Variants in RARB observed in about 807,000 individuals in gnomAD.
RARB encodes the protein retinoic acid receptor beta.
RARB carries 17 observed loss-of-function variants against 51.9 expected under a neutral mutation model. The observed-to-expected ratio is 0.33, with a 90% CI of 0.22 to 0.49. The LOEUF (loss-of-function observed/expected upper bound fraction) is 0.49, where lower values mean the gene tolerates loss of function less well. RARB is among the 20% of genes least tolerant of loss of function. RARB has a pLI of 0.99. For synonymous variants in RARB, 215 were observed against 195.4 expected (o/e 1.10, Z -0.84); for missense variants, 369 against 550.8 (o/e 0.67, Z 3.30).
At chr3:24,878,037 G>T (rs539561049) in intron 2 of RARB, among the ~76,000 whole-genome samples, 103 of 152,220 alleles carry the variant, frequency 6.8e-4, no homozygotes, top group African/African-American at 2.1e-3. Context: ...ACACGTGCAA[G>T]GTTCCAAAAT....
At chr3:25,584,566 C>T (rs1183006034) in intron 5 of RARB, among the ~76,000 whole-genome samples, 2 of 152,016 alleles carry the variant, frequency 1.3e-5, no homozygotes, top group African/African-American at 4.8e-5. Flanking sequence ...AGTTCAAAGG[C>T]CCTGGGGCAG....
At position 25,290,248 on chromosome 3, in the gene RARB, T is replaced by C. The variant is rs763578344; in HGVS notation, c.178+115673T>C. On this transcript the variant is annotated intron_variant, in intron 5 of 11. Coordinates refer to the RARB transcript ENST00000383772. ...ATGGTCTTTAAAGAAGCAATCTAGC[T>C]AAAATGAAATCATTAATCCAATAGG... Among the ~76,000 whole-genome samples the C allele has an allele frequency of 5.3e-4, 81 of 152,246 alleles. 1 individual carries two copies. The Middle Eastern group carries it at 0.01, about 19-fold the overall frequency.
At chr3:24,902,718 G>C (rs767102841) in intron 2 of RARB, among the ~76,000 whole-genome samples, 14 of 152,004 alleles carry the variant, frequency 9.2e-5, no homozygotes, top group Non-Finnish European at 1.8e-4. Context: ...AATGCTCACT[G>C]ACATGTTTTG....
intron 5 of RARB, among the ~76,000 whole-genome samples, chr3:25,271,207 T>A (rs1703249957): frequency 6.6e-6 from 1 of 152,212 alleles, no homozygotes; most frequent in African/African-American, 2.4e-5. Context: ...TTAGTATAAA[T>A]CAAGAAATAC....
chr3:25,514,594 T>C (rs1290840418), intron 3 of RARB, among the ~76,000 whole-genome samples: 2 of 152,210 alleles, frequency 1.3e-5, no homozygotes. Context: ...AACTCCTCCA[T>C]TTTTCTTTGC....
intron 5 of RARB, among the ~76,000 whole-genome samples, chr3:25,255,840 G>C (rs768831410): frequency 1.3e-5 from 2 of 152,062 alleles, no homozygotes; most frequent in African/African-American, 2.4e-5. Context: ...AGTCAAGTGT[G>C]TATGCTTGTG....
Position 25,488,870 on chromosome 3 carries a change from G to T in RARB, c.307-12312G>T, listed in dbSNP as rs374765980. On this transcript the variant is annotated intron_variant, in intron 2 of 7. Transcript: ENST00000330688. ...TTAGGCTGCCTTTAATTGAAAACTG[G>T]AGAACAATCTAACTAATTGGCAGGT... Among the ~76,000 whole-genome samples the T allele has an allele frequency of 2.2e-4, 34 of 152,292 alleles. 1 individual carries two copies. Among genetic ancestry groups the T allele is most frequent in the Middle Eastern group, 3.4e-3 (1 of 294 alleles).
At chr3:25,174,371 C>A (rs771603731) in exon 5 of RARB, 1 of 1,350,070 alleles carries the variant, frequency 7.4e-7, no homozygotes, top group South Asian at 1.1e-5. Context: ...TGCTCCAGAG[C>A]ACCTTTCTTT....
At chr3:24,971,277 AG>A (rs1696392486) in intron 2 of RARB, among the ~76,000 whole-genome samples, 1 of 152,022 alleles carries the variant, frequency 6.6e-6, no homozygotes, top group South Asian at 2.1e-4. Flanking sequence ...AGCTGAGGCT[AG>A]GAGGTTAGTC....
intron 3 of RARB, among the ~76,000 whole-genome samples, chr3:25,081,040 G>T (rs1443267922): frequency 3.3e-5 from 5 of 151,698 alleles, no homozygotes; most frequent in African/African-American, 1.2e-4. Context: ...GCATACTGTG[G>T]GTTTAATTTG....
chr3:25,536,820 G>T (rs544087762), intron 3 of RARB, among the ~76,000 whole-genome samples: 1 of 152,308 alleles, frequency 6.6e-6, no homozygotes, highest in African/African-American at 2.4e-5. Context: ...TTCTTCATGG[G>T]AGTTTTATGA....
At chr3:25,547,923 C>A (rs763509680) in intron 3 of RARB, among the ~76,000 whole-genome samples, 1 of 151,944 alleles carries the variant, frequency 6.6e-6, no homozygotes, top group Non-Finnish European at 1.5e-5. Context: ...GAAATACAAA[C>A]CCAATATAAA....
chr3:24,960,173 T>A (rs192560831), intron 2 of RARB, among the ~76,000 whole-genome samples: 23 of 152,370 alleles, frequency 1.5e-4, no homozygotes, highest in Admixed American at 5.9e-4. Flanking sequence ...TATGGCCTTA[T>A]ATTTTGAGGA....
chr3:25,447,142 G>T (rs1434597043), intron 1 of RARB, among the ~76,000 whole-genome samples: 1 of 152,124 alleles, frequency 6.6e-6, no homozygotes, highest in African/African-American at 2.4e-5. Context: ...GTGTGCTGTT[G>T]GCAGATTCTG....
chr3:25,329,146 G>A (rs77562156), intron 5 of RARB, among the ~76,000 whole-genome samples: 1 of 152,272 alleles, frequency 6.6e-6, no homozygotes, highest in African/African-American at 2.4e-5. Context: ...AGACTTAAAC[G>A]TCCCTGTCTG....
intron 2 of RARB, among the ~76,000 whole-genome samples, chr3:24,924,545 G>T (rs550449817): frequency 1.3e-5 from 2 of 152,238 alleles, no homozygotes; most frequent in Non-Finnish European, 2.9e-5. Flanking sequence ...TAACTTTAAA[G>T]AGATGAGTGT....
intron 2 of RARB, among the ~76,000 whole-genome samples, chr3:24,952,708 C>A (rs1467311985): frequency 6.6e-6 from 1 of 152,072 alleles, no homozygotes; most frequent in African/African-American, 2.4e-5. Flanking sequence ...TTTCAAAGCT[C>A]TCGCTCCCCC....
At chr3:25,261,614 C>G (rs747713200) in intron 5 of RARB, among the ~76,000 whole-genome samples, 1 of 152,120 alleles carries the variant, frequency 6.6e-6, no homozygotes, top group African/African-American at 2.4e-5. Flanking sequence ...GTTACAGATG[C>G]TGCTATTTGG....
chr3:25,344,083 T>C (rs1042606701), intron 5 of RARB, among the ~76,000 whole-genome samples: 1 of 152,196 alleles, frequency 6.6e-6, no homozygotes, highest in Non-Finnish European at 1.5e-5. Flanking sequence ...GGCAATGTAC[T>C]CCAGAAACTT....
Sources: gnomAD v4.1 joint callset for allele counts (sites outside exome capture counted in the v4.1 genomes callset) on GRCh38, gnomAD v4.1.1 for gene constraint, MANE v1.5 for transcripts, NCBI Gene and HGNC (gene_info 2026-07-23, HGNC 2026-07-21) for gene names.